Variants in KSR1 observed in about 807,000 individuals in gnomAD.
The protein encoded by KSR1 is kinase suppressor of ras.
A neutral mutation model predicts 92.9 loss-of-function variants in KSR1; 35 were observed. The observed-to-expected ratio is 0.38, with a 90% CI of 0.29 to 0.50. The LOEUF (loss-of-function observed/expected upper bound fraction) is 0.50. KSR1 is among the 20% of genes least tolerant of loss of function. The probability of loss-of-function intolerance (pLI) is 0.94; values close to 1 mark genes in which losing one functional copy is unlikely to be tolerated. For synonymous variants in KSR1, 467 were observed against 472.6 expected, an observed-to-expected ratio of 0.99 and a Z score of 0.15; for missense variants, 972 against 1,158.5, an observed-to-expected ratio of 0.84 and a Z score of 2.34.
Position 27,550,344 on chromosome 17 carries a change from G to A in KSR1, c.232-224G>A, listed in dbSNP as rs948871501. 3.9e-5 allele frequency among the ~76,000 whole-genome samples: 6 copies of A among 152,328 alleles called. 1 individual carries two copies. Among genetic ancestry groups the A allele is most frequent in the Admixed American group, 3.3e-4 (5 of 15,304 alleles). ...TGTCCTGAGGTGGGCAGTGTCAGCC[G>A]CCCTGGGTAGGGCAGGGGGCTCATG... On this transcript the variant is annotated intron_variant, in intron 1 of 20. Transcript: ENST00000644974.
rs372634021 is a variant in KSR1, at chr17:27,605,602, G to A, written c.1783G>A (p.Glu595Lys). ...CCCCTTCGAGCAGGTAGAGCTGGGC[G>A]AGCCCATCGGGCAGGGCCGCTGGGG... ...DIPFEQVELG[E>K]PIGQGRWGRV... The change falls in exon 14 of 21, where the codon GAG (glutamate) becomes AAG (lysine). Residue 595 changes from glutamate to lysine, a missense_variant. Physicochemically the swap from Glu to Lys is moderately conservative, Grantham distance 56. This residue lies in a region of KSR1 where 260 missense variants were observed against 375.2 expected (regional missense o/e 0.69). Transcript: ENST00000644974. 5.0e-6 allele frequency: 8 copies of A among 1,602,852 alleles called. No individual in the cohort carries two copies. Among genetic ancestry groups the A allele is most frequent in the South Asian group, 2.2e-5 (2 of 89,314 alleles).
At position 27,586,314 on chromosome 17, in the gene KSR1, G is replaced by C. The variant is rs1453938917; in HGVS notation, c.985+653G>C. On this transcript the variant is annotated intron_variant, in intron 5 of 20. Transcript: ENST00000644974. ...AGCGGAGGGAGACAGCTGTGCCTCT[G>C]GAGTCTGCTTTTAATTGTCTGGAAA... Among the ~76,000 whole-genome samples the C allele has an allele frequency of 7.2e-5, 11 of 152,302 alleles. No homozygotes were observed. The South Asian group carries it at 2.3e-3, about 32-fold the overall frequency.
chr17:27,526,094 T>C lies in KSR1; in HGVS notation c.232-24474T>C, dbSNP rs2948543. 5.1e-3 allele frequency among the ~76,000 whole-genome samples: 598 copies of C among 118,408 alleles called. 17 individuals carry two copies. Among genetic ancestry groups the C allele is most frequent in the Non-Finnish European group, 7.2e-3 (428 of 59,368 alleles). 77.7% of individuals were successfully genotyped at this position (118,408 alleles called of 152,430 possible). ...TCTCTTTCTTTCTTTCTTTCTTTCT[T>C]TCTCTCTCTCTCTCTCTCTCTCTCA... On this transcript the variant is annotated intron_variant, in intron 1 of 20. Transcript: ENST00000644974.
At chr17:27,524,157 C>G (rs1162808179) in intron 1 of KSR1, among the ~76,000 whole-genome samples, 1 of 151,756 alleles carries the variant, frequency 6.6e-6, no homozygotes, top group Non-Finnish European at 1.5e-5. Context: ...TGTGGGAGTC[C>G]TGGGAAGGAG....
intron 1 of KSR1, among the ~76,000 whole-genome samples, chr17:27,465,953 A>C (rs1298366748): frequency 6.6e-6 from 1 of 152,202 alleles, no homozygotes; most frequent in Non-Finnish European, 1.5e-5. Context: ...GGCCCTTAAA[A>C]AGGCTCAGTG....
intron 4 of KSR1, chr17:27,584,047 CATT>C: frequency 1.1e-6 from 1 of 892,404 alleles, no homozygotes; most frequent in Non-Finnish European, 1.3e-6. Context: ...GGCGTTAGAT[CATT>C]GTCTTTTTTG....
In KSR1 at chr17:27,462,914, A is replaced by G. The variant is rs115461411; in HGVS notation, c.231+6040A>G. On this transcript the variant is annotated intron_variant, in intron 1 of 20. Coordinates refer to ENST00000644974, the MANE Select transcript of KSR1 (RefSeq NM_001394583.1). ...CTTCTGTCTGTATCAGCACATATAC[A>G]TATGCATCAGCACTATTAGTGGCTG... Among the ~76,000 whole-genome samples, 516 of 152,330 alleles carry G rather than the reference A, an allele frequency of 3.4e-3. 2 individuals carry two copies. The highest frequency in any genetic ancestry group is 0.012 in the African/African-American group (494 of 41,574).
At chr17:27,558,820 C>A (rs2071711597) in intron 2 of KSR1, among the ~76,000 whole-genome samples, 1 of 151,840 alleles carries the variant, frequency 6.6e-6, no homozygotes, top group Non-Finnish European at 1.5e-5. Flanking sequence ...TGAAGATGAT[C>A]TGCCCAGGGC....
intron 2 of KSR1, among the ~76,000 whole-genome samples, chr17:27,557,462 C>A (rs940012): frequency 0.56 from 84,472 of 151,864 alleles, 23,844 homozygotes; most frequent in Admixed American, 0.67. Context: ...AGGGAGGTAA[C>A]CCTGCCTCCC....
In KSR1 at chr17:27,605,606, C is replaced by G. The variant is rs2073724675; in HGVS notation, c.1787C>G (p.Pro596Arg). 6.2e-7 allele frequency: 1 copy of G among 1,604,466 alleles called. No homozygotes were observed. Among genetic ancestry groups the G allele is most frequent in the African/African-American group, 1.3e-5 (1 of 74,782 alleles). Residue 596 changes from proline (P) to arginine (R), a missense_variant, in exon 14 of 21, where the codon CCC becomes CGC. By Grantham distance (103) the Pro-to-Arg change is moderately radical. Around this residue, in one of 5 missense-constraint regions of KSR1, gnomAD observed 260 missense variants for 375.2 expected, o/e 0.69. Transcript: ENST00000644974. ...IPFEQVELGE[P>R]IGQGRWGRVH... is the part of the protein sequence containing the mutation. The stretch of plus-strand genomic sequence containing the variant: ...TTCGAGCAGGTAGAGCTGGGCGAGC[C>G]CATCGGGCAGGGCCGCTGGGGCCGG...
intron 3 of KSR1, among the ~76,000 whole-genome samples, chr17:27,581,431 C>T (rs1266539216): frequency 6.6e-6 from 1 of 152,164 alleles, no homozygotes; most frequent in Non-Finnish European, 1.5e-5. Flanking sequence ...CTCTCCCCAG[C>T]TTGTCCTTAC....
At chr17:27,480,878 TC>T (rs1216937502) in intron 1 of KSR1, among the ~76,000 whole-genome samples, 1 of 152,196 alleles carries the variant, frequency 6.6e-6, no homozygotes, top group Non-Finnish European at 1.5e-5. Flanking sequence ...CTGGGCTCGA[TC>T]CTCCTTAGTC....
intron 9 of KSR1, among the ~76,000 whole-genome samples, chr17:27,593,736 G>A (rs567756891): frequency 6.6e-6 from 1 of 152,358 alleles, no homozygotes; most frequent in South Asian, 2.1e-4. Context: ...ATAGGGTCCT[G>A]TCTTAGTGTG....
chr17:27,500,381 T>C (rs938920963), intron 1 of KSR1, among the ~76,000 whole-genome samples: 7 of 152,040 alleles, frequency 4.6e-5, no homozygotes. Context: ...ACTGACGGGA[T>C]AGTGTAGGTT....
intron 17 of KSR1, 31 bp downstream of exon 17, chr17:27,610,229 G>C (rs756523728): frequency 6.2e-7 from 1 of 1,613,228 alleles, no homozygotes; most frequent in Non-Finnish European, 8.5e-7. Flanking sequence ...CTGAGGCCAA[G>C]TGTGGCCAAA....
At position 27,526,574 on chromosome 17, in the gene KSR1, G is replaced by A. The variant is rs1597951486; in HGVS notation, c.232-23994G>A. The A allele has an allele frequency of 5.0e-6, 8 of 1,595,638 alleles. No homozygotes were observed. In the East Asian group the frequency reaches 1.3e-4, roughly 27 times the overall value. On this transcript the variant is annotated intron_variant, in intron 1 of 20. Coordinates refer to ENST00000644974, the MANE Select transcript of KSR1 (RefSeq NM_001394583.1). ...TGGCCACAATGCACCTCATTCATTT[G>A]TATCAGTTGCAATTGTAAGATGGAC...
In KSR1 at chr17:27,561,279, G is replaced by C. The variant is rs184716035; in HGVS notation, c.372+10571G>C. Among the ~76,000 whole-genome samples, 205 of 152,298 alleles carry C rather than the reference G, an allele frequency of 1.3e-3. 2 individuals are homozygous for C. Among genetic ancestry groups the C allele is most frequent in the South Asian group, 5.2e-3 (25 of 4,828 alleles). On this transcript the variant is annotated intron_variant, in intron 2 of 20. Coordinates refer to ENST00000644974, the MANE Select transcript of KSR1 (RefSeq NM_001394583.1). ...TTTTGGGGCTACTGTATGATATGTA[G>C]TTGTGTAAATGAATTGACTGCCTGC...
At chr17:27,499,134 A>C (rs2069091672) in intron 1 of KSR1, among the ~76,000 whole-genome samples, 1 of 152,218 alleles carries the variant, frequency 6.6e-6, no homozygotes, top group African/African-American at 2.4e-5. Flanking sequence ...AAGAGGAACA[A>C]GGGTGCGATC....
intron 2 of KSR1, among the ~76,000 whole-genome samples, chr17:27,569,863 TAGA>T (rs994349545): frequency 1.5e-4 from 23 of 152,286 alleles, no homozygotes; most frequent in African/African-American, 5.3e-4. Flanking sequence ...TCTGGATTTA[TAGA>T]AGGAGGAATG....
Sources: gnomAD v4.1 joint callset for allele counts (sites outside exome capture counted in the v4.1 genomes callset) on GRCh38, gnomAD v4.1.1 for gene constraint, gnomAD v4.1.1 regional missense constraint, MANE v1.5 for transcripts, NCBI Gene and HGNC (gene_info 2026-07-23, HGNC 2026-07-21) for gene names.